The following HRH2 variants were observed in gnomAD, a reference collection of about 807,000 sequenced individuals.
The protein encoded by HRH2 is histamine H2 receptor.
Under a neutral mutation model 20.1 loss-of-function variants are expected in HRH2, and 4 were observed. The ratio of observed to expected loss-of-function variants is 0.20; its 90% CI spans 0.10 to 0.45. The LOEUF (loss-of-function observed/expected upper bound fraction) is 0.45. Among genes scored for constraint, HRH2 ranks in the 20% least tolerant of loss-of-function variants. HRH2 has a pLI of 0.99. For missense variants in HRH2, 250 were observed against 461.6 expected, an observed-to-expected ratio of 0.54 and a Z score of 4.20; for synonymous variants, 197 against 200.7, an observed-to-expected ratio of 0.98 and a Z score of 0.16.
intron 1 of HRH2, among the ~76,000 whole-genome samples, chr5:175,675,113 C>T (rs1488414053): frequency 2.6e-5 from 4 of 152,220 alleles, no homozygotes; most frequent in African/African-American, 7.2e-5. Flanking sequence ...CTTAATTTTG[C>T]TAAGCCTCAG....
intron 2 of HRH2, among the ~76,000 whole-genome samples, chr5:175,702,653 G>A (rs956024165): frequency 6.4e-5 from 9 of 140,476 alleles, no homozygotes; most frequent in Non-Finnish European, 1.4e-4. Flanking sequence ...CCAAGATCAC[G>A]CCATTCTCCT....
rs1231214488 is a variant in HRH2, at chr5:175,683,858, G to T, written c.625G>T (p.Ala209Ser). 1 of 1,613,972 alleles carries T rather than the reference G, an allele frequency of 6.2e-7. No homozygotes were observed. Among genetic ancestry groups the T allele is most frequent in the African/African-American group, 1.3e-5 (1 of 74,880 alleles). The change falls in exon 2 of 3, where the codon GCC (alanine) becomes TCC (serine). Residue 209 changes from alanine to serine, a missense_variant. Ala to Ser is a moderately conservative substitution (Grantham distance 99, BLOSUM62 1). This residue lies in a region of HRH2 where 58 missense variants were observed against 166.8 expected (regional missense o/e 0.35). Transcript: ENST00000636584. ...CITYYRIFKV[A>S]RDQAKRINHI... ...CACCTACTACCGCATCTTCAAGGTC[G>T]CCCGGGATCAGGCCAAGAGGATCAA...
In HRH2 at chr5:175,685,625, A is replaced by G. The variant is rs1756145542; in HGVS notation, c.1076+1316A>G. On this transcript the variant is annotated intron_variant, in intron 2 of 2. Transcript: ENST00000636584. ...CCTGGTCTCAGCTCTGCCGTCACTC[A>G]ACTTGTATCTTGAGCAAGTTCCTCC... 7.2e-6 allele frequency: 5 copies of G among 699,290 alleles called. No individual in the cohort carries two copies. The South Asian group carries it at 8.8e-5, about 12-fold the overall frequency. 43.3% of individuals were successfully genotyped at this position (699,290 alleles called of 1,614,324 possible). A position where few individuals can be genotyped will look rare whatever the true frequency, so the allele number is the denominator to read the frequency against.
chr5:175,672,484 G>A (rs745585613), intron 1 of HRH2, among the ~76,000 whole-genome samples: 1 of 152,192 alleles, frequency 6.6e-6, no homozygotes, highest in Non-Finnish European at 1.5e-5. Context: ...ATAAGATAGA[G>A]ATGAATAGTG....
chr5:175,680,311 A>C (rs1349014259), intron 1 of HRH2, among the ~76,000 whole-genome samples: 2 of 152,224 alleles, frequency 1.3e-5, no homozygotes, highest in Non-Finnish European at 2.9e-5. Flanking sequence ...AAGGAGAGGC[A>C]GTTGCTGAGT....
Position 175,687,530 on chromosome 5 carries a change from A to C in HRH2, c.1076+3221A>C, listed in dbSNP as rs1756213966. Among the ~76,000 whole-genome samples the C allele has an allele frequency of 6.6e-6, 1 of 152,014 alleles. No individual in the cohort carries two copies. Among genetic ancestry groups the C allele is most frequent in the Non-Finnish European group, 1.5e-5 (1 of 67,956 alleles). On this transcript the variant is annotated intron_variant, in intron 2 of 2. Transcript: ENST00000636584. This position sits in a 1 kb window ranked among gnomAD's most constrained non-coding sequence, Gnocchi z 5.2. Reference sequence around the variant, plus strand: ...CCTGTGGCCAACCAGCAGCCACCCCACAATGTTCCTGCCCAGCCTCTATGA... The same window carrying C: ...CCTGTGGCCAACCAGCAGCCACCCCCCAATGTTCCTGCCCAGCCTCTATGA...
intron 1 of HRH2, among the ~76,000 whole-genome samples, chr5:175,676,572 C>T (rs757753067): frequency 3.9e-5 from 6 of 152,166 alleles, no homozygotes; most frequent in Admixed American, 6.5e-5. Context: ...CATAATGGGC[C>T]GTCAGCAGTT....
At chr5:175,688,648 T>C (rs1756260163) in intron 2 of HRH2, among the ~76,000 whole-genome samples, 1 of 152,062 alleles carries the variant, frequency 6.6e-6, no homozygotes, top group African/African-American at 2.4e-5. Context: ...TGAGCCCGAG[T>C]CTCTCTGATC....
rs544160240 is a variant in HRH2, at chr5:175,707,802, C to T, written c.1100C>T (p.Thr367Met). 11 of 399,236 alleles carry T rather than the reference C, an allele frequency of 2.8e-5. No homozygotes were observed. The highest frequency in any genetic ancestry group is 2.1e-4 in the East Asian group (6 of 28,072). The allele number at this position is 399,236 out of a possible 1,614,324, so 24.7% of individuals were successfully genotyped here. A position where few individuals can be genotyped will look rare whatever the true frequency, so the allele number is the denominator to read the frequency against. The change falls in exon 3 of 3, where the codon ACG becomes ATG. Residue 367 changes from threonine (T) to methionine (M), a missense_variant. This residue lies in a region of HRH2 where 55 missense variants were observed against 66.9 expected (regional missense o/e 0.82). Transcript: ENST00000636584. Reference protein sequence around the residue: ...TDRKPALSCTTCSSNLLSCCK... With the variant: ...TDRKPALSCTMCSSNLLSCCK... ...AGGAAGCCAGCACTGTCCTGCACTA[C>T]GTGCTCCAGCAACCTCCTGAGCTGC...
At chr5:175,662,988 A>T (rs1353833056) in intron 1 of HRH2, among the ~76,000 whole-genome samples, 3 of 152,212 alleles carry the variant, frequency 2.0e-5, no homozygotes. Flanking sequence ...ATGTTGTTGC[A>T]TGTATCAGCG....
chr5:175,665,365 G>A (rs2113475059), intron 1 of HRH2, among the ~76,000 whole-genome samples: 1 of 152,246 alleles, frequency 6.6e-6, no homozygotes, highest in East Asian at 1.9e-4. Flanking sequence ...CCCAGGATCT[G>A]GATATGCACA....
At chr5:175,699,826 G>A (rs887663070) in intron 2 of HRH2, among the ~76,000 whole-genome samples, 6 of 152,240 alleles carry the variant, frequency 3.9e-5, no homozygotes, top group Admixed American at 1.3e-4. Flanking sequence ...GCCCGCCTCA[G>A]CCTCCCAAAG....
In HRH2 at chr5:175,687,404, C is replaced by G. The variant is rs192925231; in HGVS notation, c.1076+3095C>G. Among the ~76,000 whole-genome samples the G allele has an allele frequency of 6.6e-6, 1 of 152,198 alleles. No individual in the cohort carries two copies. The highest frequency in any genetic ancestry group is 1.5e-5 in the Non-Finnish European group (1 of 68,028). On this transcript the variant is annotated intron_variant, in intron 2 of 2. Transcript: ENST00000636584. This position sits in a 1 kb window ranked among gnomAD's most constrained non-coding sequence, Gnocchi z 5.2. ...GGCTGTCTGCCTGAGCCAAGAATTCCGAAGGGAACGGAGCCAGCCTGCCCT... is the reference window on the plus strand; with the variant it reads ...GGCTGTCTGCCTGAGCCAAGAATTCGGAAGGGAACGGAGCCAGCCTGCCCT...
At chr5:175,694,105 TTGAG>T in intron 2 of HRH2, among the ~76,000 whole-genome samples, 1 of 152,230 alleles carries the variant, frequency 6.6e-6, no homozygotes, top group East Asian at 1.9e-4. Context: ...GAAGGACCAA[TTGAG>T]TGAGTGCCCT....
intron 1 of HRH2, among the ~76,000 whole-genome samples, chr5:175,673,708 TG>T (rs1581420561): frequency 6.6e-6 from 1 of 150,588 alleles, no homozygotes; most frequent in African/African-American, 2.5e-5. Flanking sequence ...TTTTTTTTTT[TG>T]TTTTTTTTTT....
chr5:175,662,374 G>A (rs1156465366), intron 1 of HRH2, among the ~76,000 whole-genome samples: 3 of 152,160 alleles, frequency 2.0e-5, no homozygotes, highest in Non-Finnish European at 4.4e-5. Flanking sequence ...AGACGTCAGA[G>A]ATGCTACTAA....
In HRH2 at chr5:175,709,473, A is replaced by G. The variant is rs1757032321; in HGVS notation, c.*1502A>G. The G allele has an allele frequency of 6.6e-6, 1 of 152,120 alleles. No individual in the cohort carries two copies. Among genetic ancestry groups the G allele is most frequent in the Non-Finnish European group, 1.5e-5 (1 of 68,052 alleles). 9.4% of individuals were successfully genotyped at this position (152,120 alleles called of 1,614,324 possible). Reference sequence around the variant, plus strand: ...CGCCTCCGCAACACCTCCACCTGGGAGTTTCAGAGGCGCTCTCCCTCAGCG... The same window carrying G: ...CGCCTCCGCAACACCTCCACCTGGGGGTTTCAGAGGCGCTCTCCCTCAGCG... On this transcript the variant is annotated 3_prime_UTR_variant, in exon 3 of 3. Coordinates refer to ENST00000636584, the MANE Select transcript of HRH2 (RefSeq NM_001367711.1).
At chr5:175,697,028 C>T (rs1273733026) in intron 2 of HRH2, among the ~76,000 whole-genome samples, 1 of 152,200 alleles carries the variant, frequency 6.6e-6, no homozygotes, top group East Asian at 1.9e-4. Flanking sequence ...GGGCGCTCAA[C>T]CCCAGGGAAG....
rs761712292 is a variant in HRH2 at position 175,683,830 on chromosome 5, C to T, written c.597C>T (p.Cys199=). The part of the protein sequence containing the change: ...VTFYLPLLIM[C]ITYYRIFKVA... ...TCTACCTCCCGCTACTGATCATGTG[C>T]ATCACCTACTACCGCATCTTCAAGG... The change falls in exon 2 of 3, where the codon TGC becomes TGT. Residue 199 remains cysteine (C), a synonymous_variant. Transcript: ENST00000636584. The T allele has an allele frequency of 1.2e-6, 2 of 1,614,182 alleles. No individual in the cohort carries two copies. Among genetic ancestry groups the T allele is most frequent in the South Asian group, 1.1e-5 (1 of 91,082 alleles).
Sources: allele counts gnomAD v4.1 joint callset (sites outside exome capture counted in the v4.1 genomes callset), GRCh38; gene constraint gnomAD v4.1.1; regional missense constraint gnomAD v4.1.1; non-coding constraint Gnocchi (gnomAD v3.1); transcripts MANE v1.5; gene names NCBI Gene and HGNC (gene_info 2026-07-23, HGNC 2026-07-21).